The following PRKAR1B variants were observed in gnomAD, a reference collection of about 807,000 sequenced individuals.
PRKAR1B encodes protein kinase cAMP-dependent type I regulatory subunit beta.
A neutral mutation model predicts 46.5 loss-of-function variants in PRKAR1B; 22 were observed. That is an observed-to-expected ratio of 0.47 (90% CI 0.34 to 0.68). The LOEUF is 0.68. Ranked by LOEUF, PRKAR1B falls within the 30% of genes least tolerant of loss-of-function variation. The pLI, the probability that PRKAR1B is intolerant of heterozygous loss-of-function variation, is 0.01. For missense variants in PRKAR1B, 445 were observed against 535.6 expected (o/e 0.83, Z 1.67); for synonymous variants, 259 against 217.7 (o/e 1.19, Z -1.67).
intron 4 of PRKAR1B, among the ~76,000 whole-genome samples, chr7:643,897 C>G (rs1409244524): frequency 6.6e-6 from 1 of 152,112 alleles, no homozygotes; most frequent in East Asian, 1.9e-4. Flanking sequence ...TATCCAACCC[C>G]CAGCCACTCC....
intron 4 of PRKAR1B, among the ~76,000 whole-genome samples, chr7:637,742 G>T (rs1302715505): frequency 6.6e-6 from 1 of 152,010 alleles, no homozygotes; most frequent in Non-Finnish European, 1.5e-5. Flanking sequence ...GGCTGAGGCA[G>T]CAGAATCGCT....
At chr7:679,808 G>C (rs1251410110) in intron 3 of PRKAR1B, among the ~76,000 whole-genome samples, 1 of 152,114 alleles carries the variant, frequency 6.6e-6, no homozygotes, top group Non-Finnish European at 1.5e-5. Context: ...GGTGGCTGGG[G>C]TTGGATGGGG....
In PRKAR1B at chr7:680,627, C is replaced by A. The variant is rs1261543204; in HGVS notation, c.277G>T (p.Ala93Ser). ...SPTPPNPVVK[A>S]RRRRGGVSAE... The stretch of plus-strand genomic sequence containing the variant: ...CTCACGCCTCCTCGCCGGCGGCGGG[C>A]CTTCACCACAGGGTTCGGGGGGGTG... Residue 93 changes from alanine (A) to serine (S), a missense_variant, in exon 3 of 11, where the codon GCC becomes TCC. Coordinates refer to ENST00000537384, the MANE Select transcript of PRKAR1B (RefSeq NM_001164760.2). The A allele has an allele frequency of 1.9e-6, 3 of 1,613,104 alleles. No individual in the cohort carries two copies. Among genetic ancestry groups the A allele is most frequent in the Non-Finnish European group, 2.5e-6 (3 of 1,179,818 alleles).
At chr7:554,630 CA>C (rs1224337863) in intron 9 of PRKAR1B, among the ~76,000 whole-genome samples, 1 of 147,606 alleles carries the variant, frequency 6.8e-6, no homozygotes, top group Non-Finnish European at 1.5e-5. Flanking sequence ...AGCCGGAAGA[CA>C]GGGGAGGCCA....
Position 591,264 on chromosome 7 carries a change from C to T in PRKAR1B, c.708+4882G>A, listed in dbSNP as rs1444215289. On this transcript the variant is annotated intron_variant, in intron 7 of 10. Transcript: ENST00000537384. ...TCGGTGAGGCAGGGCTGGGAGCTGG[C>T]CTCCGAGCTGGCCGGTGGGCACTGG... is the stretch of plus-strand genomic sequence containing the variant. Among the ~76,000 whole-genome samples the T allele has an allele frequency of 2.0e-5, 3 of 152,246 alleles. No homozygotes were observed. The East Asian group carries it at 5.8e-4, about 29-fold the overall frequency.
At chr7:727,100 G>T (rs1209538602) in intron 1 of PRKAR1B, 110 bp downstream of exon 1, 2 of 1,078,486 alleles carry the variant, frequency 1.9e-6, no homozygotes, top group Non-Finnish European at 2.2e-6. Context: ...CGCTTGGCCG[G>T]CCCCGTGCCC....
At chr7:578,366 G>T (rs1779978029) in intron 9 of PRKAR1B, among the ~76,000 whole-genome samples, 1 of 152,252 alleles carries the variant, frequency 6.6e-6, no homozygotes, top group African/African-American at 2.4e-5. Flanking sequence ...TCGCCTGCCT[G>T]TGGTGGGGCC....
chr7:560,778 T>G lies in PRKAR1B; in HGVS notation c.892-9308A>C, dbSNP rs574042733. Among the ~76,000 whole-genome samples, 5 of 152,276 alleles carry G rather than the reference T, an allele frequency of 3.3e-5. No homozygotes were observed. In the East Asian group the frequency reaches 9.7e-4, roughly 29 times the overall value. On this transcript the variant is annotated intron_variant, in intron 9 of 10. Transcript: ENST00000537384. This position sits in a 1 kb window ranked among gnomAD's most constrained non-coding sequence, Gnocchi z 4.2. ...GCCAGATTACCCCAGCTCCAGGAGT[T>G]CCAGCACGTCAAACGGGACAGTCAT...
rs1056173500 is a variant in PRKAR1B, at chr7:646,354, G to A, written c.440+30875C>T. Among the ~76,000 whole-genome samples, 6 of 152,198 alleles carry A rather than the reference G, an allele frequency of 3.9e-5. 1 individual carries two copies. The highest frequency in any genetic ancestry group is 2.6e-4 in the Admixed American group (4 of 15,284). ...CCACCGCGCCTGGCCTGAGTGCTAC[G>A]TTTTAAGAGAACAATTTCAGTGATT... On this transcript the variant is annotated intron_variant, in intron 4 of 10. Coordinates refer to ENST00000537384, the MANE Select transcript of PRKAR1B (RefSeq NM_001164760.2).
At chr7:614,120 C>A (rs1583304392) in intron 4 of PRKAR1B, among the ~76,000 whole-genome samples, 1 of 152,378 alleles carries the variant, frequency 6.6e-6, no homozygotes, top group East Asian at 1.9e-4. Context: ...GCCCCGCACG[C>A]CCGACCAGGA....
intron 1 of PRKAR1B, among the ~76,000 whole-genome samples, chr7:719,505 G>A (rs1015383705): frequency 3.3e-5 from 5 of 152,134 alleles, no homozygotes; most frequent in Non-Finnish European, 7.3e-5. Flanking sequence ...TTGTAGCGAC[G>A]AGGTGTCACT....
intron 4 of PRKAR1B, among the ~76,000 whole-genome samples, chr7:664,735 C>T (rs1785808460): frequency 6.6e-6 from 1 of 151,418 alleles, no homozygotes; most frequent in Non-Finnish European, 1.5e-5. Flanking sequence ...CACAGCGAGA[C>T]TCTGTCTCTA....
At chr7:690,633 T>C (rs1378722773) in intron 2 of PRKAR1B, among the ~76,000 whole-genome samples, 2 of 152,280 alleles carry the variant, frequency 1.3e-5, no homozygotes, top group South Asian at 4.1e-4. Context: ...TAAACTACTG[T>C]GTGCCACTGT....
chr7:612,777 A>G (rs1281638995), intron 4 of PRKAR1B, among the ~76,000 whole-genome samples: 1 of 152,210 alleles, frequency 6.6e-6, no homozygotes. Flanking sequence ...ATGACTATGA[A>G]AAGATGTAAA....
intron 6 of PRKAR1B, among the ~76,000 whole-genome samples, chr7:597,842 T>G (rs935292938): frequency 1.3e-5 from 2 of 152,244 alleles, no homozygotes; most frequent in African/African-American, 4.8e-5. Context: ...ACTCCCACTT[T>G]GCCTAAGGTT....
chr7:663,406 T>G (rs929274943), intron 4 of PRKAR1B, among the ~76,000 whole-genome samples: 1 of 152,050 alleles, frequency 6.6e-6, no homozygotes, highest in African/African-American at 2.4e-5. Context: ...TTTTTTAATT[T>G]TTAGGAGGAG....
intron 4 of PRKAR1B, among the ~76,000 whole-genome samples, chr7:620,752 TC>T (rs879500402): frequency 0.082 from 12,480 of 152,222 alleles, 1,416 homozygotes; most frequent in African/African-American, 0.26. Flanking sequence ...TCATCTTCTC[TC>T]TACCCTTCCA....
chr7:638,495 C>A (rs992642393), intron 4 of PRKAR1B, among the ~76,000 whole-genome samples: 1 of 152,180 alleles, frequency 6.6e-6, no homozygotes, highest in East Asian at 1.9e-4. Context: ...CTAGACACAT[C>A]ACGGGGCACA....
chr7:661,258 C>G (rs1173957838), intron 4 of PRKAR1B, among the ~76,000 whole-genome samples: 6 of 71,892 alleles, frequency 8.3e-5, no homozygotes, highest in Non-Finnish European at 1.1e-4. Context: ...TACTCTCCCC[C>G]CCATGGCACA....
Sources: gnomAD v4.1 joint callset for allele counts (sites outside exome capture counted in the v4.1 genomes callset) on GRCh38, gnomAD v4.1.1 for gene constraint, Gnocchi (gnomAD v3.1) non-coding constraint, MANE v1.5 for transcripts, NCBI Gene and HGNC (gene_info 2026-07-23, HGNC 2026-07-21) for gene names.